Variants in TAFA2 observed in about 807,000 individuals in gnomAD.
TAFA2 encodes the protein TAFA chemokine like family member 2, also known as chemokine-like protein TAFA-2.
Under a neutral mutation model 18.8 loss-of-function variants are expected in TAFA2, and 7 were observed. The observed-to-expected ratio is 0.37, with a 90% confidence interval of 0.21 to 0.70. The LOEUF is 0.70. Ranked by LOEUF, TAFA2 falls within the 30% of genes least tolerant of loss-of-function variation. The pLI, the probability that TAFA2 is intolerant of heterozygous loss-of-function variation, is 0.53. For missense variants in TAFA2, 122 were observed against 158.1 expected, an observed-to-expected ratio of 0.77 and a Z score of 1.23; for synonymous variants, 60 against 54.2, an observed-to-expected ratio of 1.11 and a Z score of -0.47.
chr12:61,774,542 A>G (rs1317694126), intron 2 of TAFA2, among the ~76,000 whole-genome samples: 1 of 151,920 alleles, frequency 6.6e-6, no homozygotes, highest in Non-Finnish European at 1.5e-5. Flanking sequence ...ATTGGAGACT[A>G]TTATTTAAAG....
At chr12:62,155,531 C>T (rs1451962161) in intron 1 of TAFA2, among the ~76,000 whole-genome samples, 1 of 152,130 alleles carries the variant, frequency 6.6e-6, no homozygotes, top group Non-Finnish European at 1.5e-5. Context: ...CATCACACTA[C>T]CTGACTTCAA....
intron 2 of TAFA2, among the ~76,000 whole-genome samples, chr12:61,845,786 G>A (rs905980223): frequency 6.6e-6 from 1 of 152,072 alleles, no homozygotes; most frequent in Non-Finnish European, 1.5e-5. Context: ...AGTCTAAAGT[G>A]TTTTGTTACT....
At chr12:61,983,277 A>G (rs915762757) in intron 1 of TAFA2, among the ~76,000 whole-genome samples, 1 of 152,192 alleles carries the variant, frequency 6.6e-6, no homozygotes, top group African/African-American at 2.4e-5. Context: ...CAGCAGTACC[A>G]TTTACAGTAT....
intron 1 of TAFA2, among the ~76,000 whole-genome samples, chr12:62,058,626 C>G (rs76100886): frequency 2.0e-5 from 1 of 50,654 alleles, no homozygotes. Flanking sequence ...CACCTCCCCC[C>G]TTTTTTTTCT....
chr12:61,873,286 G>A (rs554594900), intron 1 of TAFA2, among the ~76,000 whole-genome samples: 1 of 129,768 alleles, frequency 7.7e-6, no homozygotes, highest in South Asian at 2.7e-4. Context: ...GGTTGCACAA[G>A]TTTTATTTAT....
At chr12:62,193,962 G>A (rs1464159018), upstream of TAFA2, among the ~76,000 whole-genome samples, 2 of 152,078 alleles carry the variant, frequency 1.3e-5, no homozygotes, top group Admixed American at 1.3e-4. Context: ...AACTAAACAA[G>A]GCAAGTTTTA....
intron 1 of TAFA2, among the ~76,000 whole-genome samples, chr12:62,211,670 C>A (rs533388053): frequency 6.6e-6 from 1 of 152,016 alleles, no homozygotes; most frequent in Non-Finnish European, 1.5e-5. Flanking sequence ...CTTTCATAAT[C>A]ATTCAGGGGT....
chr12:62,002,833 C>T (rs989973046), intron 1 of TAFA2, among the ~76,000 whole-genome samples: 10 of 152,130 alleles, frequency 6.6e-5, no homozygotes, highest in Non-Finnish European at 1.3e-4. Flanking sequence ...AAATTTTATG[C>T]ATCCACCTCC....
intron 2 of TAFA2, among the ~76,000 whole-genome samples, chr12:61,773,948 A>G (rs533118541): frequency 2.0e-5 from 3 of 152,076 alleles, no homozygotes; most frequent in Non-Finnish European, 4.4e-5. Flanking sequence ...TTCACAAACT[A>G]TGCATCCCTC....
At chr12:61,745,020 T>C (rs1182852189) in intron 4 of TAFA2, among the ~76,000 whole-genome samples, 1 of 152,126 alleles carries the variant, frequency 6.6e-6, no homozygotes, top group African/African-American at 2.4e-5. Flanking sequence ...TTAAGTGTTA[T>C]GTTTCACATC....
intron 1 of TAFA2, among the ~76,000 whole-genome samples, chr12:61,890,171 G>A (rs1034177971): frequency 2.0e-5 from 3 of 152,190 alleles, no homozygotes; most frequent in African/African-American, 7.2e-5. Flanking sequence ...GCTTCCCAGT[G>A]CAAACTGGTG....
intron 1 of TAFA2, among the ~76,000 whole-genome samples, chr12:62,002,029 C>T (rs377597492): frequency 1.3e-5 from 2 of 152,082 alleles, no homozygotes; most frequent in South Asian, 4.1e-4. Flanking sequence ...CTTAACCATC[C>T]TATGCCTCTC....
chr12:61,813,119 C>T (rs1024180671), intron 2 of TAFA2, among the ~76,000 whole-genome samples: 1 of 151,160 alleles, frequency 6.6e-6, no homozygotes, highest in Non-Finnish European at 1.5e-5. Flanking sequence ...TCTAAAAATG[C>T]CCGATTACTA....
At chr12:61,738,811 G>T (rs1451352016) in intron 4 of TAFA2, among the ~76,000 whole-genome samples, 1 of 152,074 alleles carries the variant, frequency 6.6e-6, no homozygotes, top group Non-Finnish European at 1.5e-5. Context: ...CAATGAATTT[G>T]TGCTTTCTCT....
intron 1 of TAFA2, chr12:62,023,925 A>G (rs1313041223): frequency 6.6e-6 from 1 of 152,194 alleles, no homozygotes; most frequent in Non-Finnish European, 1.5e-5. Flanking sequence ...GACTTATAGG[A>G]GAGTTAAATA....
intron 1 of TAFA2, among the ~76,000 whole-genome samples, chr12:61,944,308 T>C (rs1878169686): frequency 2.7e-5 from 4 of 150,784 alleles, no homozygotes; most frequent in Admixed American, 2.6e-4. Flanking sequence ...CAAAGCAGTG[T>C]GTAGAGGGAA....
intron 1 of TAFA2, among the ~76,000 whole-genome samples, chr12:62,154,373 C>T (rs1475285776): frequency 6.6e-6 from 1 of 152,126 alleles, no homozygotes; most frequent in East Asian, 1.9e-4. Flanking sequence ...GTCAGGCTTC[C>T]ACTAATAGCT....
intron 1 of TAFA2, among the ~76,000 whole-genome samples, chr12:62,031,102 T>C (rs1364772767): frequency 6.6e-6 from 1 of 152,122 alleles, no homozygotes; most frequent in Non-Finnish European, 1.5e-5. Context: ...CTGTGTGATG[T>C]TTAATACTGA....
intron 1 of TAFA2, among the ~76,000 whole-genome samples, chr12:62,215,876 T>C (rs1274923470): frequency 1.3e-5 from 2 of 152,060 alleles, no homozygotes; most frequent in African/African-American, 4.8e-5. Context: ...ATGATAATGG[T>C]TGTCATGAGC....
Sources: allele counts gnomAD v4.1 joint callset (sites outside exome capture counted in the v4.1 genomes callset), GRCh38; gene constraint gnomAD v4.1.1; transcripts MANE v1.5; gene names NCBI Gene and HGNC (gene_info 2026-07-23, HGNC 2026-07-21).